Variants in CSNK1E observed in about 807,000 individuals in gnomAD.
The protein encoded by CSNK1E is casein kinase 1 epsilon.
In CSNK1E, 17 loss-of-function variants were observed where a neutral mutation model predicts 46.1. That is an observed-to-expected ratio of 0.37 (90% CI 0.25 to 0.55). The LOEUF (loss-of-function observed/expected upper bound fraction) is 0.55. CSNK1E is among the 20% of genes least tolerant of loss of function. The pLI is 0.82. For missense variants in CSNK1E, 386 were observed against 595.4 expected, an observed-to-expected ratio of 0.65 and a Z score of 3.66; for synonymous variants, 241 against 242.6, an observed-to-expected ratio of 0.99 and a Z score of 0.06.
In CSNK1E at chr22:38,302,841, T is replaced by C. The variant is rs751532187; in HGVS notation, c.336+20A>G. ...GGGCCCACAGGCATCTGGCTGGGGA[T>C]GGAGGGGACGGGGACTCACCATCTG... On this transcript the variant is annotated intron_variant, in intron 4 of 10. Transcript: ENST00000396832. 4 of 1,613,154 alleles carry C rather than the reference T, an allele frequency of 2.5e-6. No individual in the cohort carries two copies. In the South Asian group the frequency reaches 4.4e-5, roughly 18 times the overall value.
In CSNK1E at chr22:38,314,141, C is replaced by T. The variant is rs2092733299; in HGVS notation, c.17G>A (p.Gly6Glu). MELRV[G>E]NKYRLGRKIG... ...CTTCCGTCCCAGGCGGTACTTGTTC[C>T]CCACACGTAGCTCCATGGCTCACTC... Residue 6 changes from glycine to glutamate, a missense_variant, in exon 2 of 11, where the codon GGG (glycine) becomes GAG (glutamate). Coordinates refer to ENST00000396832, the MANE Select transcript of CSNK1E (RefSeq NM_152221.3). The T allele has an allele frequency of 1.2e-6, 2 of 1,613,984 alleles. No individual in the cohort carries two copies. The highest frequency in any genetic ancestry group is 1.7e-6 in the Non-Finnish European group (2 of 1,179,980).
Position 38,299,928 on chromosome 22 carries a change from T to A in CSNK1E, c.703A>T (p.Thr235Ser). 1 of 1,614,134 alleles carries A rather than the reference T, an allele frequency of 6.2e-7. No homozygotes were observed. Among genetic ancestry groups the A allele is most frequent in the Non-Finnish European group, 8.5e-7 (1 of 1,180,002 alleles). The change falls in exon 6 of 11, where the codon ACG becomes TCG. Residue 235 changes from threonine (T) to serine (S), a missense_variant. By Grantham distance (58) the Thr-to-Ser change is moderately conservative. Around this residue, in one of 2 missense-constraint regions of CSNK1E, gnomAD observed 212 missense variants for 410.2 expected, o/e 0.52. Transcript: ENST00000396832. The stretch of plus-strand genomic sequence containing the variant: ...CCTTTGCAGAGGACCTCGATGGGCG[T>A]TGACATCTTCTTCTCGCTGATCCGT... ...YERISEKKMS[T>S]PIEVLCKGYP...
At position 38,309,713 on chromosome 22, in the gene CSNK1E, C is replaced by G. The variant is rs2092712958; in HGVS notation, c.76+4369G>C. Among the ~76,000 whole-genome samples the G allele has an allele frequency of 6.6e-6, 1 of 152,152 alleles. No homozygotes were observed. The highest frequency in any genetic ancestry group is 2.1e-4 in the South Asian group (1 of 4,832). On this transcript the variant is annotated intron_variant, in intron 2 of 10. Transcript: ENST00000396832. The surrounding 1 kb of genome is among the most constrained non-coding windows in gnomAD (Gnocchi z 4.8). ...CAAATGATCTGCCCGCCTTGGTCTC[C>G]CAAGTGCTGGGATTACAGGCGTGAG...
intron 2 of CSNK1E, among the ~76,000 whole-genome samples, chr22:38,308,978 G>A (rs535027367): frequency 4.3e-4 from 65 of 152,314 alleles, no homozygotes; most frequent in African/African-American, 1.5e-3. Context: ...GTTCAGGTGT[G>A]TGATCACAGG....
intron 7 of CSNK1E, chr22:38,297,494 G>A: frequency 1.1e-6 from 1 of 887,586 alleles, no homozygotes; most frequent in Non-Finnish European, 1.4e-6. Context: ...AGAGAGAAGA[G>A]AAGCCCAAGA....
intron 1 of CSNK1E, among the ~76,000 whole-genome samples, chr22:38,315,608 C>T (rs766591926): frequency 6.6e-6 from 1 of 151,756 alleles, no homozygotes; most frequent in Non-Finnish European, 1.5e-5. Context: ...GAAAAGCAGG[C>T]ACACACAGTG....
At position 38,290,929 on chromosome 22, in the gene CSNK1E, A is replaced by T. The variant is rs1237935516; in HGVS notation, c.*1042T>A. ...AAACACACACACGGAGAAAACAAACAAAAATAAAATAAAATAAAAACAAAA... is the reference window on the plus strand; with the variant it reads ...AAACACACACACGGAGAAAACAAACTAAAATAAAATAAAATAAAAACAAAA... On this transcript the variant is annotated 3_prime_UTR_variant, in exon 11 of 11. Coordinates refer to ENST00000396832, the MANE Select transcript of CSNK1E (RefSeq NM_152221.3). The T allele has an allele frequency of 6.6e-6, 1 of 152,340 alleles. No homozygotes were observed. The highest frequency in any genetic ancestry group is 6.6e-5 in the Admixed American group (1 of 15,250). The allele number at this position is 152,340 out of a possible 1,614,324, so 9.4% of individuals were successfully genotyped here. A position where few individuals can be genotyped will look rare whatever the true frequency, so the allele number is the denominator to read the frequency against.
At chr22:38,307,058 C>T (rs1569081200) in intron 2 of CSNK1E, among the ~76,000 whole-genome samples, 1 of 152,120 alleles carries the variant, frequency 6.6e-6, no homozygotes, top group Non-Finnish European at 1.5e-5. Flanking sequence ...GTGGTCCCAG[C>T]TACCTGGGAG....
At chr22:38,317,996 C>T (rs1342072841), upstream of CSNK1E, 1 of 152,166 alleles carries the variant, frequency 6.6e-6, no homozygotes, top group Non-Finnish European at 1.5e-5. Flanking sequence ...ATTCTCCTCC[C>T]GTGGAAAAAC....
At chr22:38,305,099 G>A (rs1480265829) in intron 2 of CSNK1E, among the ~76,000 whole-genome samples, 2 of 145,138 alleles carry the variant, frequency 1.4e-5, no homozygotes, top group African/African-American at 5.2e-5. Context: ...GCTAGCCTGG[G>A]TGACGGAGTG....
rs533407563 is a variant in CSNK1E at position 38,302,149 on chromosome 22, C to T, written c.336+712G>A. Reference sequence around the variant, plus strand: ...CTCAGAGAGGTTCGGCGTTCACCTACGGTCACTGGTCTGGAACAGGACCAG... The same window carrying T: ...CTCAGAGAGGTTCGGCGTTCACCTATGGTCACTGGTCTGGAACAGGACCAG... On this transcript the variant is annotated intron_variant, in intron 4 of 10. Coordinates refer to ENST00000396832, the MANE Select transcript of CSNK1E (RefSeq NM_152221.3). 5.3e-5 allele frequency among the ~76,000 whole-genome samples: 8 copies of T among 152,298 alleles called. No individual in the cohort carries two copies. In the East Asian group the frequency reaches 7.7e-4, roughly 15 times the overall value.
chr22:38,298,849 G>A lies in CSNK1E; in HGVS notation c.822C>T (p.Arg274=), dbSNP rs1417305208. The part of the protein sequence containing the change: ...PDYSYLRQLF[R]NLFHRQGFSY... ...AGAAGCCCTGCCGGTGGAAGAGGTT[G>A]CGGAAGAGCTGACGTAGGTAAGAGT... The change falls in exon 7 of 11, where the codon CGC becomes CGT. Residue 274 remains arginine, a synonymous_variant. Coordinates refer to ENST00000396832, the MANE Select transcript of CSNK1E (RefSeq NM_152221.3). This position sits in a 1 kb window ranked among gnomAD's most constrained non-coding sequence, Gnocchi z 4.2. The A allele has an allele frequency of 6.2e-7, 1 of 1,614,192 alleles. No individual in the cohort carries two copies. The highest frequency in any genetic ancestry group is 8.5e-7 in the Non-Finnish European group (1 of 1,180,030).
At chr22:38,304,131 G>A (rs903064829) in intron 2 of CSNK1E, among the ~76,000 whole-genome samples, 3 of 152,194 alleles carry the variant, frequency 2.0e-5, no homozygotes, top group Non-Finnish European at 2.9e-5. Flanking sequence ...GGGCGACAGG[G>A]TGTCTCCTTC....
upstream of CSNK1E, chr22:38,317,981 C>T (rs892147623): frequency 2.0e-5 from 3 of 152,240 alleles, no homozygotes; most frequent in African/African-American, 7.2e-5. Context: ...AGCCTGGGCT[C>T]ATACATTCTC....
At chr22:38,293,892 T>C in intron 9 of CSNK1E, 1 of 570,636 alleles carries the variant, frequency 1.8e-6, no homozygotes, top group Non-Finnish European at 3.0e-6. Context: ...TGCCAGGGAA[T>C]GTTACTGCCC....
chr22:38,306,477 A>T (rs1446389411), intron 2 of CSNK1E, among the ~76,000 whole-genome samples: 2 of 152,254 alleles, frequency 1.3e-5, no homozygotes, highest in African/African-American at 4.8e-5. Flanking sequence ...TCACGCCTGT[A>T]ATCCCAGCAC....
chr22:38,311,352 G>T (rs1264613657), intron 2 of CSNK1E, among the ~76,000 whole-genome samples: 3 of 152,218 alleles, frequency 2.0e-5, no homozygotes, highest in African/African-American at 7.2e-5. Context: ...GAGTAAATCT[G>T]TACTTAGTTT....
In CSNK1E at chr22:38,294,581, T is replaced by C; in HGVS notation, c.886-47A>G. ...CACCAGTCAGCCCCAGAGGCCAGGG[T>C]GCTCTGGGCCCAGCAGCCCTGCAGG... On this transcript the variant is annotated intron_variant, in intron 7 of 10. Transcript: ENST00000396832. This position sits in a 1 kb window ranked among gnomAD's most constrained non-coding sequence, Gnocchi z 5.5. The C allele has an allele frequency of 6.6e-7, 1 of 1,512,956 alleles. No homozygotes were observed. The highest frequency in any genetic ancestry group is 8.9e-7 in the Non-Finnish European group (1 of 1,127,602). The allele number at this position is 1,512,956 out of a possible 1,614,324, so 93.7% of individuals were successfully genotyped here.
Position 38,303,625 on chromosome 22 carries a change from T to C in CSNK1E, c.77-377A>G, listed in dbSNP as rs573261642. 3.5e-3 allele frequency among the ~76,000 whole-genome samples: 534 copies of C among 152,220 alleles called. No individual in the cohort carries two copies. Among genetic ancestry groups the C allele is most frequent in the Middle Eastern group, 6.8e-3 (2 of 294 alleles). ...TCTGTCGGGTTGAGATGGTGGCACG[T>C]GCAGAAGAGGCCCAATGGGGCTGGG... On this transcript the variant is annotated intron_variant, in intron 2 of 10. Coordinates refer to ENST00000396832, the MANE Select transcript of CSNK1E (RefSeq NM_152221.3). This position sits in a 1 kb window ranked among gnomAD's most constrained non-coding sequence, Gnocchi z 4.7.
Sources: allele counts gnomAD v4.1 joint callset (sites outside exome capture counted in the v4.1 genomes callset), GRCh38; gene constraint gnomAD v4.1.1; regional missense constraint gnomAD v4.1.1; non-coding constraint Gnocchi (gnomAD v3.1); transcripts MANE v1.5; gene names NCBI Gene and HGNC (gene_info 2026-07-23, HGNC 2026-07-21).